Variants in RBFOX1 observed in about 807,000 individuals in gnomAD.
RBFOX1 encodes the protein RNA binding protein fox-1 homolog 1.
A neutral mutation model predicts 57.7 loss-of-function variants in RBFOX1; 8 were observed. That is an observed-to-expected ratio of 0.14 (90% CI 0.08 to 0.25). The LOEUF (loss-of-function observed/expected upper bound fraction) is 0.25. Ranked by LOEUF, RBFOX1 falls within the 10% of genes least tolerant of loss-of-function variation. RBFOX1 has a pLI of 1.00. For missense variants in RBFOX1, 611 were observed against 548.5 expected, an observed-to-expected ratio of 1.11 and a Z score of -1.14; for synonymous variants, 326 against 222.4, an observed-to-expected ratio of 1.47 and a Z score of -4.15.
At chr16:5,290,791 C>T (rs1376745644) in intron 1 of RBFOX1, among the ~76,000 whole-genome samples, 2 of 151,688 alleles carry the variant, frequency 1.3e-5, no homozygotes, top group Non-Finnish European at 1.5e-5. Flanking sequence ...CTCTGCCTCC[C>T]GAGTTCAAGT....
At chr16:5,678,486 A>G (rs924002256) in intron 3 of RBFOX1, among the ~76,000 whole-genome samples, 2 of 152,208 alleles carry the variant, frequency 1.3e-5, no homozygotes, top group African/African-American at 2.4e-5. Flanking sequence ...GCAAGCGGGT[A>G]GGGCAAGGTC....
At chr16:7,100,368 C>T (rs541182941) in intron 4 of RBFOX1, among the ~76,000 whole-genome samples, 2 of 151,996 alleles carry the variant, frequency 1.3e-5, no homozygotes, top group African/African-American at 2.4e-5. Context: ...AATCTGACTC[C>T]CCCCAGCCTA....
At chr16:7,683,849 AAC>A (rs947816142) in intron 14 of RBFOX1, among the ~76,000 whole-genome samples, 7 of 151,878 alleles carry the variant, frequency 4.6e-5, no homozygotes, top group Non-Finnish European at 1.0e-4. Flanking sequence ...GCTAAAAAAA[AAC>A]CTGCATTCTA....
At chr16:5,984,976 A>ATTTTTT (rs869160414) in intron 4 of RBFOX1, among the ~76,000 whole-genome samples, 2 of 55,714 alleles carry the variant, frequency 3.6e-5, no homozygotes, top group Non-Finnish European at 6.0e-5. Flanking sequence ...ATATATATAT[A>ATTTTTT]TTTTTTTTTT....
chr16:6,310,886 A>G (rs12102452), intron 1 of RBFOX1, among the ~76,000 whole-genome samples: 1 of 150,258 alleles, frequency 6.7e-6, no homozygotes, highest in Non-Finnish European at 1.5e-5. Flanking sequence ...AACAGGTGCA[A>G]ATTTACCAGT....
intron 4 of RBFOX1, among the ~76,000 whole-genome samples, chr16:7,105,100 C>A (rs529896724): frequency 6.6e-6 from 1 of 152,134 alleles, no homozygotes; most frequent in Non-Finnish European, 1.5e-5. Context: ...GCACCTCTGC[C>A]ACTAAAGCTT....
intron 3 of RBFOX1, among the ~76,000 whole-genome samples, chr16:6,956,571 C>G (rs984253211): frequency 2.0e-5 from 3 of 152,138 alleles, no homozygotes; most frequent in Non-Finnish European, 2.9e-5. Context: ...TACCTCTTGC[C>G]TCTGGTCAGG....
intron 2 of RBFOX1, among the ~76,000 whole-genome samples, chr16:6,376,219 G>C (rs888193169): frequency 6.6e-6 from 1 of 152,128 alleles, no homozygotes; most frequent in African/African-American, 2.4e-5. Context: ...CACTGGCCTT[G>C]TCATTTATGT....
intron 4 of RBFOX1, among the ~76,000 whole-genome samples, chr16:6,005,027 A>G (rs1412060230): frequency 6.6e-6 from 1 of 152,160 alleles, no homozygotes; most frequent in Non-Finnish European, 1.5e-5. Flanking sequence ...AACTTGGGGG[A>G]ACTTTAAGAA....
At chr16:7,371,625 C>A (rs1443704671) in intron 4 of RBFOX1, among the ~76,000 whole-genome samples, 1 of 152,102 alleles carries the variant, frequency 6.6e-6, no homozygotes, top group Non-Finnish European at 1.5e-5. Context: ...TGGCAGGCGC[C>A]TATAATCCCA....
At chr16:7,687,236 T>C (rs1209143854) in intron 14 of RBFOX1, among the ~76,000 whole-genome samples, 1 of 152,038 alleles carries the variant, frequency 6.6e-6, no homozygotes, top group Non-Finnish European at 1.5e-5. Context: ...GTAAAAAATA[T>C]GAATCTGAAT....
At chr16:7,252,955 T>G (rs1305652420) in intron 4 of RBFOX1, among the ~76,000 whole-genome samples, 1 of 152,204 alleles carries the variant, frequency 6.6e-6, no homozygotes, top group Admixed American at 6.5e-5. Context: ...GTAAATTTTG[T>G]AAATAAGCAT....
chr16:6,940,793 TGTGTGTG>T (rs2078263259), intron 3 of RBFOX1, among the ~76,000 whole-genome samples: 2 of 148,070 alleles, frequency 1.4e-5, no homozygotes, highest in Non-Finnish European at 3.0e-5. Flanking sequence ...TGTGTGTGTG[TGTGTGTG>T]TGTGTGTGTG....
chr16:5,847,926 A>G (rs1490248089), intron 3 of RBFOX1, among the ~76,000 whole-genome samples: 1 of 152,186 alleles, frequency 6.6e-6, no homozygotes, highest in African/African-American at 2.4e-5. Flanking sequence ...GGATACAGGA[A>G]TAAATAAGGC....
intron 2 of RBFOX1, among the ~76,000 whole-genome samples, chr16:6,430,531 G>A (rs1222679098): frequency 9.9e-5 from 15 of 152,204 alleles, no homozygotes; most frequent in South Asian, 2.1e-4. Flanking sequence ...AAGACATGAC[G>A]GATGGATGGA....
At chr16:6,827,424 G>A (rs1056589108) in intron 3 of RBFOX1, among the ~76,000 whole-genome samples, 1 of 151,644 alleles carries the variant, frequency 6.6e-6, no homozygotes, top group East Asian at 1.9e-4. Context: ...GGAAGGAAGA[G>A]AAGTTTGGTC....
chr16:6,470,531 C>T (rs1396331623), intron 2 of RBFOX1, among the ~76,000 whole-genome samples: 1 of 152,196 alleles, frequency 6.6e-6, no homozygotes, highest in Non-Finnish European at 1.5e-5. Flanking sequence ...CTTCAGCTCT[C>T]TATGTGCATG....
At chr16:7,485,038 G>A (rs910533403) in intron 4 of RBFOX1, among the ~76,000 whole-genome samples, 3 of 146,450 alleles carry the variant, frequency 2.0e-5, no homozygotes, top group African/African-American at 7.6e-5. Context: ...TGTATGCAGG[G>A]TTACGTTCCC....
intron 3 of RBFOX1, among the ~76,000 whole-genome samples, chr16:6,922,875 C>T (rs1375966940): frequency 1.3e-5 from 2 of 152,078 alleles, no homozygotes; most frequent in Non-Finnish European, 1.5e-5. Flanking sequence ...TCTAGGTGTA[C>T]CTTGGGAAGT....
Sources: gnomAD v4.1 joint callset for allele counts (sites outside exome capture counted in the v4.1 genomes callset) on GRCh38, gnomAD v4.1.1 for gene constraint, MANE v1.5 for transcripts, NCBI Gene and HGNC (gene_info 2026-07-23, HGNC 2026-07-21) for gene names.